The following RYR1 variants were observed in gnomAD, a reference collection of about 807,000 sequenced individuals.
The protein encoded by RYR1 is ryanodine receptor 1.
Under a neutral mutation model 583.5 loss-of-function variants are expected in RYR1, and 342 were observed. That is an observed-to-expected ratio of 0.59 (90% CI 0.54 to 0.64). The LOEUF (loss-of-function observed/expected upper bound fraction) is 0.64. Among genes scored for constraint, RYR1 ranks in the 30% least tolerant of loss-of-function variants. The pLI is 0.00. For synonymous variants in RYR1, 2,791 were observed against 2,822.5 expected (o/e 0.99, Z 0.35); for missense variants, 6,032 against 6,917.2 (o/e 0.87, Z 4.54).
At position 38,478,522 on chromosome 19, in the gene RYR1, C is replaced by CA; in HGVS notation, c.4543dup (p.Ile1515AsnfsTer32). The CA allele has an allele frequency of 6.2e-7, 1 of 1,614,156 alleles. No homozygotes were observed. On this transcript the variant is annotated frameshift_variant, in exon 31 of 106. Transcript: ENST00000359596. LOFTEE classifies it high-confidence loss of function. ...GCCGGATCAGCCACACGGACCTTGTCATTGGGTGCCTGGTGGACTTGGCCA... is the reference window on the plus strand; with the variant it reads ...GCCGGATCAGCCACACGGACCTTGTCAATTGGGTGCCTGGTGGACTTGGCCA...
intron 64 of RYR1, 117 bp downstream of exon 64, chr19:38,515,224 C>T (rs577126495): frequency 6.0e-6 from 5 of 838,152 alleles, no homozygotes; most frequent in African/African-American, 3.4e-5. Flanking sequence ...TTCCCGCACA[C>T]GGCGGCAGCC....
Position 38,519,200 on chromosome 19 carries a change from T to A in RYR1, c.10019-14T>A. On this transcript the variant is annotated splice_polypyrimidine_tract_variant and intron_variant, in intron 66 of 105. Transcript: ENST00000359596. ...AGGCCGGAGGTGGCATCAGAGCCCA[T>A]CGCACCCCTGCAGTGTTCGCACAGC... The A allele has an allele frequency of 2.5e-6, 4 of 1,614,052 alleles. No individual in the cohort carries two copies. Among genetic ancestry groups the A allele is most frequent in the Non-Finnish European group, 1.7e-6 (2 of 1,180,002 alleles).
chr19:38,455,443 C>A lies in RYR1; in HGVS notation c.1577-8C>A, dbSNP rs755673252. On this transcript the variant is annotated splice_region_variant and splice_polypyrimidine_tract_variant and intron_variant, in intron 14 of 105. Transcript: ENST00000359596. ...TCCTATTGGATCTGACACCTCTTCC[C>A]CCCTCAGCTTCTCTAATCCGTGGCA... 8.7e-6 allele frequency: 14 copies of A among 1,614,014 alleles called. No individual in the cohort carries two copies. The highest frequency in any genetic ancestry group is 5.0e-5 in the Admixed American group (3 of 59,990).
At position 38,512,153 on chromosome 19, in the gene RYR1, GCCCACT is replaced by G. The variant is rs1568521403; in HGVS notation, c.9233+27_9233+32del. Reference sequence around the variant, plus strand: ...GCCAGGTAGGGCCATAGGCAGTGGCGCCCACTCCCACCATCATCGGGCCCCCACCCC... The same window carrying G: ...GCCAGGTAGGGCCATAGGCAGTGGCGCCCACCATCATCGGGCCCCCACCCC... On this transcript the variant is annotated intron_variant, in intron 62 of 105. Coordinates refer to ENST00000359596, the MANE Select transcript of RYR1 (RefSeq NM_000540.3). The surrounding 1 kb of genome is among the most constrained non-coding windows in gnomAD (Gnocchi z 5.1). The G allele has an allele frequency of 1.1e-5, 17 of 1,614,042 alleles. No homozygotes were observed. The East Asian group carries it at 3.6e-4, about 34-fold the overall frequency.
At chr19:38,584,031 C>G (rs2145908646) in intron 101 of RYR1, among the ~76,000 whole-genome samples, 1 of 152,124 alleles carries the variant, frequency 6.6e-6, no homozygotes, top group Middle Eastern at 3.4e-3. Context: ...CTGCTGGGAA[C>G]ACTCTCCCAC....
At chr19:38,583,664 C>G (rs1359449428) in intron 101 of RYR1, among the ~76,000 whole-genome samples, 1 of 152,022 alleles carries the variant, frequency 6.6e-6, no homozygotes, top group Non-Finnish European at 1.5e-5. Flanking sequence ...AACCCTCTTG[C>G]TTTTTGCTTT....
At chr19:38,518,548 T>C (rs1971078522) in intron 66 of RYR1, among the ~76,000 whole-genome samples, 1 of 151,872 alleles carries the variant, frequency 6.6e-6, no homozygotes, top group Admixed American at 6.6e-5. Flanking sequence ...CTTGGGGTCA[T>C]AGCCAGAAAT....
intron 63 of RYR1, among the ~76,000 whole-genome samples, chr19:38,514,282 A>ATT (rs56826915): frequency 0.022 from 3,052 of 139,084 alleles, 45 homozygotes; most frequent in Middle Eastern, 0.026. Context: ...TTTTTTTTTA[A>ATT]TTTTTTTTTT....
rs1180977759 is a variant in RYR1, at chr19:38,519,317, C to T, written c.10122C>T (p.Ser3374=). 5 of 1,613,820 alleles carry T rather than the reference C, an allele frequency of 3.1e-6. No individual in the cohort carries two copies. Among genetic ancestry groups the T allele is most frequent in the Non-Finnish European group, 1.7e-6 (2 of 1,179,868 alleles). The change falls in exon 67 of 106, where the codon TCC becomes TCT. Residue 3374 remains serine (S), a synonymous_variant. Transcript: ENST00000359596. The part of the protein sequence containing the change: ...RLRKRAGKVV[S]EEEQLRLEAK... ...GCAAGAGGGCAGGGAAGGTGGTGTC[C>T]GAGGAGGAGCAGCTGCGCCTGGAGG...
chr19:38,460,810 C>T (rs1280527967), intron 20 of RYR1, among the ~76,000 whole-genome samples: 1 of 152,158 alleles, frequency 6.6e-6, no homozygotes, highest in East Asian at 1.9e-4. Context: ...AAAGTGAAAC[C>T]CTGTCTCTAC....
intron 89 of RYR1, among the ~76,000 whole-genome samples, chr19:38,555,400 C>T (rs1972836040): frequency 6.6e-6 from 1 of 150,492 alleles, no homozygotes; most frequent in East Asian, 1.9e-4. Context: ...CCTGAACACA[C>T]CACTGCACTC....
At chr19:38,435,984 C>T (rs1358569086) in intron 1 of RYR1, among the ~76,000 whole-genome samples, 2 of 152,124 alleles carry the variant, frequency 1.3e-5, no homozygotes, top group Non-Finnish European at 2.9e-5. Context: ...TCGCAGCTCA[C>T]TGCAACCTCT....
At chr19:38,477,901 A>AGGGTGGGGGTTGGTGCT in intron 30 of RYR1, 31 bp downstream of exon 30, 1 of 599,844 alleles carries the variant, frequency 1.7e-6, no homozygotes. Context: ...TGGGAGGTGC[A>AGGGTGGGGGTTGGTGCT]GGGTGGGGAG....
intron 89 of RYR1, among the ~76,000 whole-genome samples, chr19:38,553,220 G>A (rs542905813): frequency 2.0e-5 from 3 of 151,392 alleles, no homozygotes; most frequent in Admixed American, 6.6e-5. Context: ...CTGTAATCCC[G>A]GCTACTCAGG....
intron 96 of RYR1, among the ~76,000 whole-genome samples, chr19:38,574,493 T>C (rs947883138): frequency 1.3e-4 from 19 of 151,794 alleles, no homozygotes; most frequent in Non-Finnish European, 2.8e-4. Context: ...CATGCTAGCC[T>C]GGCTAGCGCA....
At position 38,586,136 on chromosome 19, in the gene RYR1, A is replaced by T. The variant is rs754615557; in HGVS notation, c.14914A>T (p.Thr4972Ser). Reference protein sequence around the residue: ...CGIGSDYFDTTPHGFETHTLE... With the variant: ...CGIGSDYFDTSPHGFETHTLE... ...AATCGGCAGTGACTACTTTGATACG[A>T]CACCGCATGGCTTCGAGACTCACAC... The change falls in exon 104 of 106, where the codon ACA (threonine) becomes TCA (serine). Residue 4972 changes from threonine to serine, a missense_variant. Coordinates refer to ENST00000359596, the MANE Select transcript of RYR1 (RefSeq NM_000540.3). The T allele has an allele frequency of 6.2e-7, 1 of 1,614,070 alleles. No individual in the cohort carries two copies. The highest frequency in any genetic ancestry group is 1.1e-5 in the South Asian group (1 of 91,078).
chr19:38,444,665 C>G lies in RYR1; in HGVS notation c.619C>G (p.Arg207Gly). 1.2e-6 allele frequency: 2 copies of G among 1,613,296 alleles called. No individual in the cohort carries two copies. Among genetic ancestry groups the G allele is most frequent in the Non-Finnish European group, 1.7e-6 (2 of 1,179,588 alleles). ...TLWNMNPICS[R>G]CEEGFVTGGH... The stretch of plus-strand genomic sequence containing the variant: ...ATGGAACATGAACCCCATCTGCTCC[C>G]GCTGCGAAGAGGGTGAGGGCCCCAG... Residue 207 changes from arginine (R) to glycine (G), a missense_variant, in exon 7 of 106, where the codon CGC (arginine) becomes GGC (glycine). By Grantham distance (125) the Arg-to-Gly change is moderately radical (BLOSUM62 -2). This residue lies in a region of RYR1 where 338 missense variants were observed against 441.6 expected (regional missense o/e 0.77). Coordinates refer to ENST00000359596, the MANE Select transcript of RYR1 (RefSeq NM_000540.3). This position sits in a 1 kb window ranked among gnomAD's most constrained non-coding sequence, Gnocchi z 5.1.
chr19:38,474,032 C>T (rs537821357), intron 28 of RYR1, among the ~76,000 whole-genome samples: 27 of 152,274 alleles, frequency 1.8e-4, no homozygotes, highest in Non-Finnish European at 3.1e-4. Context: ...ACCTGGAGGG[C>T]CCCAAAGGGC....
intron 2 of RYR1, among the ~76,000 whole-genome samples, chr19:38,441,609 G>A (rs1427047017): frequency 1.3e-5 from 2 of 151,622 alleles, no homozygotes; most frequent in Non-Finnish European, 2.9e-5. Flanking sequence ...GGCCTGGAGG[G>A]TCAGGGGACA....
Sources: allele counts gnomAD v4.1 joint callset (sites outside exome capture counted in the v4.1 genomes callset), GRCh38; gene constraint gnomAD v4.1.1; regional missense constraint gnomAD v4.1.1; non-coding constraint Gnocchi (gnomAD v3.1); transcripts MANE v1.5; gene names NCBI Gene and HGNC (gene_info 2026-07-23, HGNC 2026-07-21).